Variants in RXFP1 observed in about 807,000 individuals in gnomAD.
RXFP1 encodes the protein relaxin family peptide receptor 1.
A neutral mutation model predicts 89.8 loss-of-function variants in RXFP1; 73 were observed. The ratio of observed to expected loss-of-function variants is 0.81; its 90% CI spans 0.67 to 0.99. The LOEUF (loss-of-function observed/expected upper bound fraction) is 0.99. Among genes scored for constraint, RXFP1 ranks in the 50% least tolerant of loss-of-function variants. The pLI, the probability that RXFP1 is intolerant of heterozygous loss-of-function variation, is 0.00. For synonymous variants in RXFP1, 277 were observed against 305.5 expected (o/e 0.91, Z 0.97); for missense variants, 793 against 895.5 (o/e 0.89, Z 1.46).
chr4:158,617,390 C>A (rs993820160), intron 9 of RXFP1, among the ~76,000 whole-genome samples, 185 bp downstream of exon 9: 1 of 149,298 alleles, frequency 6.7e-6, no homozygotes, highest in Non-Finnish European at 1.5e-5. Flanking sequence ...AAACTAACAT[C>A]TCTAAACTCT....
At chr4:158,561,626 C>CTTTTT (rs70962615) in intron 1 of RXFP1, among the ~76,000 whole-genome samples, 8 of 112,616 alleles carry the variant, frequency 7.1e-5, no homozygotes, top group Admixed American at 2.0e-4. Flanking sequence ...TTCTTTTTTT[C>CTTTTT]TTTTTTTTTT....
At chr4:158,532,790 G>A (rs974834713) in intron 1 of RXFP1, among the ~76,000 whole-genome samples, 9 of 152,126 alleles carry the variant, frequency 5.9e-5, no homozygotes, top group African/African-American at 1.7e-4. Context: ...AGGCAGATTC[G>A]GGGCTGACAA....
upstream of RXFP1, chr4:158,521,720 G>A (rs981152983): frequency 2.1e-6 from 1 of 482,480 alleles, no homozygotes; most frequent in African/African-American, 2.0e-5. Context: ...ACGCGTGCGT[G>A]TGTGTAAAGA....
intron 6 of RXFP1, among the ~76,000 whole-genome samples, chr4:158,609,508 A>G (rs560632342): frequency 1.3e-5 from 2 of 152,360 alleles, no homozygotes; most frequent in East Asian, 1.9e-4. Flanking sequence ...ACATGAATAC[A>G]TAACTCCCTG....
At chr4:158,622,206 G>T (rs1478463652) in intron 9 of RXFP1, among the ~76,000 whole-genome samples, 2 of 152,098 alleles carry the variant, frequency 1.3e-5, no homozygotes, top group Non-Finnish European at 2.9e-5. Context: ...AGCTACACAA[G>T]AAGCTGAGGC....
intron 14 of RXFP1, among the ~76,000 whole-genome samples, chr4:158,644,399 T>C (rs1328713721): frequency 1.3e-5 from 2 of 152,196 alleles, no homozygotes; most frequent in Non-Finnish European, 2.9e-5. Flanking sequence ...TACTTTTTAA[T>C]GGGATGTTTT....
chr4:158,607,051 A>T, intron 5 of RXFP1: 1 of 1,535,064 alleles, frequency 6.5e-7, no homozygotes, highest in Non-Finnish European at 8.7e-7. Context: ...CTTTCAGGAC[A>T]CTCTAAAGAA....
chr4:158,599,087 A>T (rs1187505090), intron 3 of RXFP1, among the ~76,000 whole-genome samples: 1 of 151,004 alleles, frequency 6.6e-6, no homozygotes, highest in Non-Finnish European at 1.5e-5. Flanking sequence ...TGCTTTTTTT[A>T]AAAAAATACA....
chr4:158,591,059 G>A (rs965967337), intron 2 of RXFP1, among the ~76,000 whole-genome samples: 1 of 152,108 alleles, frequency 6.6e-6, no homozygotes, highest in African/African-American at 2.4e-5. Context: ...CCATGAGGCT[G>A]GTGTGTATAA....
chr4:158,651,651 AAATC>A, intron 17 of RXFP1, 102 bp from the exon 18 acceptor site: 1 of 836,842 alleles, frequency 1.2e-6, no homozygotes. Flanking sequence ...CAAAGGAAAA[AAATC>A]AAAACTCAAA....
intron 1 of RXFP1, 96 bp from the exon 2 acceptor site, chr4:158,572,602 A>G: frequency 8.8e-7 from 1 of 1,136,552 alleles, no homozygotes; most frequent in East Asian, 2.4e-5. Context: ...ATGATGAGAA[A>G]GACAAATGAT....
At chr4:158,553,881 G>T (rs992027986) in intron 1 of RXFP1, among the ~76,000 whole-genome samples, 2 of 152,042 alleles carry the variant, frequency 1.3e-5, no homozygotes, top group South Asian at 4.2e-4. Context: ...TTGGGATATC[G>T]CTTTCTAAGC....
At chr4:158,635,192 AT>A (rs1768910843) in intron 12 of RXFP1, among the ~76,000 whole-genome samples, 1 of 151,826 alleles carries the variant, frequency 6.6e-6, no homozygotes, top group South Asian at 2.1e-4. Flanking sequence ...TGTCTTCCTT[AT>A]TTTCTTTCAG....
intron 2 of RXFP1, among the ~76,000 whole-genome samples, chr4:158,591,509 G>A (rs1450116259): frequency 1.3e-5 from 2 of 150,816 alleles, no homozygotes; most frequent in African/African-American, 2.4e-5. Context: ...AGCACTTTTC[G>A]AGGCCAAAGC....
intron 1 of RXFP1, among the ~76,000 whole-genome samples, chr4:158,556,071 T>A (rs1561003493): frequency 6.6e-6 from 1 of 151,822 alleles, no homozygotes; most frequent in African/African-American, 2.4e-5. Context: ...AAAGCAAAAA[T>A]AGACAAATGG....
chr4:158,545,936 C>A (rs1008077616), intron 1 of RXFP1, among the ~76,000 whole-genome samples: 8 of 152,066 alleles, frequency 5.3e-5, no homozygotes, highest in African/African-American at 9.7e-5. Flanking sequence ...AATGTGGGCT[C>A]TTTTTTCGTT....
chr4:158,643,686 T>C (rs1037533371), intron 14 of RXFP1, among the ~76,000 whole-genome samples: 2 of 151,934 alleles, frequency 1.3e-5, no homozygotes, highest in African/African-American at 4.8e-5. Context: ...TTAACCAGGA[T>C]GGTCTCAATC....
chr4:158,555,868 A>C (rs1424090123), intron 1 of RXFP1, among the ~76,000 whole-genome samples: 1 of 152,218 alleles, frequency 6.6e-6, no homozygotes, highest in Non-Finnish European at 1.5e-5. Flanking sequence ...GGGAAAATAA[A>C]ATATCCACAT....
intron 1 of RXFP1, among the ~76,000 whole-genome samples, chr4:158,549,788 G>A (rs1279020215): frequency 6.6e-6 from 1 of 152,210 alleles, no homozygotes; most frequent in Non-Finnish European, 1.5e-5. Context: ...TGCAAATGCT[G>A]CTGCCTGATT....
Sources: gnomAD v4.1 joint callset for allele counts (sites outside exome capture counted in the v4.1 genomes callset) on GRCh38, gnomAD v4.1.1 for gene constraint, MANE v1.5 for transcripts, NCBI Gene and HGNC (gene_info 2026-07-23, HGNC 2026-07-21) for gene names.